OSBPL10: variants seen among roughly 807,000 people sequenced by gnomAD.
OSBPL10 encodes oxysterol binding protein like 10.
OSBPL10 carries 49 observed loss-of-function variants against 81.7 expected under a neutral mutation model. The ratio of observed to expected loss-of-function variants is 0.60; its 90% CI spans 0.48 to 0.76. The LOEUF (loss-of-function observed/expected upper bound fraction) is 0.76. Ranked by LOEUF, OSBPL10 falls within the 30% of genes least tolerant of loss-of-function variation. The probability of loss-of-function intolerance (pLI) is 0.00; values close to 1 mark genes in which losing one functional copy is unlikely to be tolerated. For missense variants in OSBPL10, 923 were observed against 987.8 expected, an observed-to-expected ratio of 0.93 and a Z score of 0.88; for synonymous variants, 419 against 383.6, an observed-to-expected ratio of 1.09 and a Z score of -1.08.
chr3:31,747,487 T>TCAAA lies in OSBPL10; in HGVS notation c.940+422_940+423insTTTG, dbSNP rs1553620893. ...GAATGGAATGAAATGAATCTTCAAATAAAAAAAAAAAAAAAAAAAAAAACA... is the reference window on the plus strand; with the variant it reads ...GAATGGAATGAAATGAATCTTCAAATCAAAAAAAAAAAAAAAAAAAAAAAAAACA... On this transcript the variant is annotated intron_variant, in intron 5 of 11. Transcript: ENST00000396556. 3.3e-3 allele frequency among the ~76,000 whole-genome samples: 324 copies of TCAAA among 98,478 alleles called. 4 individuals carry two copies. Among genetic ancestry groups the TCAAA allele is most frequent in the African/African-American group, 8.3e-3 (224 of 26,990 alleles). The allele number at this position is 98,478 out of a possible 152,430, so 64.6% of individuals were successfully genotyped here. A position where few individuals can be genotyped will look rare whatever the true frequency, so the allele number is the denominator to read the frequency against.
At chr3:32,043,221 G>T (rs138365879) in intron 2 of OSBPL10, among the ~76,000 whole-genome samples, 504 of 152,168 alleles carry the variant, frequency 3.3e-3, no homozygotes, top group African/African-American at 0.012. Flanking sequence ...GCTAGGAAAA[G>T]AATTTAGCGA....
intron 4 of OSBPL10, among the ~76,000 whole-genome samples, chr3:31,812,748 A>AAGAAAGAAAGAAAGAAAGAGAGAG (rs1699723894): frequency 2.6e-5 from 1 of 37,740 alleles, no homozygotes; most frequent in African/African-American, 1.2e-4. Flanking sequence ...GAAAGAAAGA[A>AAGAAAGAAAGAAAGAAAGAGAGAG]AGAAAGAAAG....
Position 31,713,347 on chromosome 3 carries a change from C to T in OSBPL10, c.1096-10839G>A, listed in dbSNP as rs138201043. On this transcript the variant is annotated intron_variant, in intron 6 of 11. Coordinates refer to ENST00000396556, the MANE Select transcript of OSBPL10 (RefSeq NM_017784.5). ...TGCACCTGCTCTTATAGGTCTTCTT[C>T]ATCCATATCCCCCTCACTTCACTCA... 2.7e-3 allele frequency among the ~76,000 whole-genome samples: 408 copies of T among 152,200 alleles called. 3 individuals are homozygous for T. The highest frequency in any genetic ancestry group is 9.5e-3 in the African/African-American group (393 of 41,548).
At chr3:31,970,733 C>A (rs1359846923) in intron 1 of OSBPL10, among the ~76,000 whole-genome samples, 2 of 152,222 alleles carry the variant, frequency 1.3e-5, no homozygotes, top group Non-Finnish European at 2.9e-5. Context: ...GCCAGCGTTC[C>A]CCTTGTGGTA....
intron 1 of OSBPL10, among the ~76,000 whole-genome samples, chr3:31,933,701 C>T (rs1697310824): frequency 2.0e-5 from 3 of 152,134 alleles, no homozygotes; most frequent in African/African-American, 7.2e-5. Flanking sequence ...TGAGCCAGGG[C>T]ACCCAGCCTC....
intron 3 of OSBPL10, among the ~76,000 whole-genome samples, chr3:31,838,143 C>G (rs181966147): frequency 2.0e-5 from 3 of 152,122 alleles, no homozygotes. Flanking sequence ...AATGGAAATA[C>G]GCACACATAC....
In OSBPL10 at chr3:31,668,702, G is replaced by A; in HGVS notation, c.2036C>T (p.Thr679Ile). 6.2e-7 allele frequency: 1 copy of A among 1,614,152 alleles called. No homozygotes were observed. The highest frequency in any genetic ancestry group is 2.2e-5 in the East Asian group (1 of 44,882). ...NGETKVIDTT[T>I]LPVYPKKIRP... ...GATCTTCTTGGGATACACTGGCAGT[G>A]TGGTTGTGTCGATGACTTTGGTTTC... The change falls in exon 10 of 12, where the codon ACA becomes ATA. Residue 679 changes from threonine to isoleucine, a missense_variant. Thr to Ile is a moderately conservative substitution (Grantham distance 89). This residue lies in a region of OSBPL10 where 387 missense variants were observed against 436.3 expected (regional missense o/e 0.89). Coordinates refer to ENST00000396556, the MANE Select transcript of OSBPL10 (RefSeq NM_017784.5).
intron 4 of OSBPL10, chr3:31,797,688 C>G (rs1244513512): frequency 9.9e-6 from 4 of 403,372 alleles, no homozygotes; most frequent in Admixed American, 2.8e-5. Context: ...AATACACACA[C>G]AGTTTTTTTA....
At chr3:31,847,190 A>G (rs1259847313) in intron 3 of OSBPL10, among the ~76,000 whole-genome samples, 1 of 140,942 alleles carries the variant, frequency 7.1e-6, no homozygotes. Context: ...AATTCTCCCC[A>G]TTCCTTTTTT....
rs6765470 is a variant in OSBPL10 at position 32,011,935 on chromosome 3, G to A, written n.298+34556C>T. On this transcript the variant is annotated intron_variant and non_coding_transcript_variant, in intron 2 of 3. Transcript: ENST00000479173. ...ATGAACAAAGCCTCCAAGAAATATGGGACTATGTGAAAAGACCGAATCTAC... is the reference window on the plus strand; with the variant it reads ...ATGAACAAAGCCTCCAAGAAATATGAGACTATGTGAAAAGACCGAATCTAC... Among the ~76,000 whole-genome samples the A allele has an allele frequency of 8.8e-3, 1,342 of 152,234 alleles. 15 individuals carry two copies. Among genetic ancestry groups the A allele is most frequent in the African/African-American group, 0.03 (1,266 of 41,518 alleles).
intron 4 of OSBPL10, among the ~76,000 whole-genome samples, chr3:31,791,849 CAAA>C (rs10536591): frequency 4.8e-5 from 6 of 124,582 alleles, no homozygotes; most frequent in Admixed American, 8.3e-5. Flanking sequence ...TTACAAAGAG[CAAA>C]AAAAAAAAAA....
chr3:31,674,954 T>C (rs952989215), intron 8 of OSBPL10, among the ~76,000 whole-genome samples: 3 of 152,210 alleles, frequency 2.0e-5, no homozygotes, highest in African/African-American at 4.8e-5. Context: ...TAAGCGAGGA[T>C]GTTGCTAGGC....
intron 1 of OSBPL10, among the ~76,000 whole-genome samples, chr3:31,923,331 T>C (rs1218991522): frequency 6.6e-6 from 1 of 151,552 alleles, no homozygotes; most frequent in East Asian, 2.0e-4. Flanking sequence ...AAATACCAGG[T>C]ACAGCTTGAT....
chr3:32,028,597 CTCTTT>C (rs1699438010), intron 2 of OSBPL10, among the ~76,000 whole-genome samples: 1 of 152,128 alleles, frequency 6.6e-6, no homozygotes, highest in African/African-American at 2.4e-5. Context: ...CTGATTTCTC[CTCTTT>C]TCTTAAATAG....
At chr3:31,736,862 A>G (rs1236948868) in intron 5 of OSBPL10, among the ~76,000 whole-genome samples, 1 of 152,164 alleles carries the variant, frequency 6.6e-6, no homozygotes, top group Non-Finnish European at 1.5e-5. Flanking sequence ...ATGCCACTGC[A>G]CTCCAGCCCA....
chr3:31,996,355 TC>T (rs574866941), intron 2 of OSBPL10, among the ~76,000 whole-genome samples: 4 of 152,200 alleles, frequency 2.6e-5, no homozygotes, highest in African/African-American at 4.8e-5. Context: ...CTCTAAACTC[TC>T]CCCCCCGTGC....
At chr3:31,936,672 T>C (rs2125730801) in intron 1 of OSBPL10, among the ~76,000 whole-genome samples, 1 of 152,172 alleles carries the variant, frequency 6.6e-6, no homozygotes, top group African/African-American at 2.4e-5. Context: ...AGTAAGAAAG[T>C]GGCATTTTTT....
chr3:31,837,320 A>T (rs757292730), intron 3 of OSBPL10, among the ~76,000 whole-genome samples: 6 of 101,400 alleles, frequency 5.9e-5, no homozygotes, highest in South Asian at 3.7e-4. Flanking sequence ...AGATCCCCAA[A>T]TTATATATAT....
intron 4 of OSBPL10, among the ~76,000 whole-genome samples, chr3:31,794,250 T>G (rs1699120148): frequency 6.6e-6 from 1 of 152,222 alleles, no homozygotes; most frequent in Non-Finnish European, 1.5e-5. Flanking sequence ...GTTCAAGCAA[T>G]TCTCCTGCCT....
Sources: allele counts gnomAD v4.1 joint callset (sites outside exome capture counted in the v4.1 genomes callset), GRCh38; gene constraint gnomAD v4.1.1; regional missense constraint gnomAD v4.1.1; transcripts MANE v1.5; gene names NCBI Gene and HGNC (gene_info 2026-07-23, HGNC 2026-07-21).